NLGN4X: variants seen among roughly 807,000 people sequenced by gnomAD.
The protein encoded by NLGN4X is neuroligin 4 X-linked.
NLGN4X carries 3 observed loss-of-function variants against 40.3 expected under a neutral mutation model. The ratio of observed to expected loss-of-function variants is 0.07; its 90% CI spans 0.03 to 0.19. The LOEUF is 0.19. Among genes scored for constraint, NLGN4X ranks in the 10% least tolerant of loss-of-function variants. The probability of loss-of-function intolerance (pLI) is 1.00; values close to 1 mark genes in which losing one functional copy is unlikely to be tolerated. For synonymous variants in NLGN4X, 270 were observed against 306.8 expected (o/e 0.88, Z 1.25); for missense variants, 382 against 708.3 (o/e 0.54, Z 5.23).
chrX:6,195,265 T>C (rs752822726), intron 1 of NLGN4X, among the ~76,000 whole-genome samples: 1 of 112,335 alleles, frequency 8.9e-6, no homozygotes, highest in African/African-American at 3.2e-5. Flanking sequence ...TCCCCATTAG[T>C]TGAGAACACT....
intron 2 of NLGN4X, among the ~76,000 whole-genome samples, chrX:6,044,420 A>G (rs948405377): frequency 8.9e-6 from 1 of 111,753 alleles, no homozygotes; most frequent in Non-Finnish European, 1.9e-5. Flanking sequence ...CCACCTTCTA[A>G]TATCAGTCTA....
intron 2 of NLGN4X, among the ~76,000 whole-genome samples, chrX:6,146,709 C>A (rs1002635938): frequency 1.6e-4 from 15 of 94,747 alleles, no homozygotes; most frequent in South Asian, 4.5e-4. Context: ...AAAAAAAAAA[C>A]AACCCAAAAT....
chrX:5,930,632 T>C (rs749991392), intron 3 of NLGN4X, among the ~76,000 whole-genome samples: 31 of 112,528 alleles, frequency 2.8e-4, no homozygotes, highest in Admixed American at 2.7e-3. Flanking sequence ...AAAATATGTA[T>C]GCAAGAATAT....
chrX:5,907,219 G>A (rs905501150), intron 4 of NLGN4X, among the ~76,000 whole-genome samples: 2 of 112,129 alleles, frequency 1.8e-5, no homozygotes, highest in Non-Finnish European at 3.8e-5. Flanking sequence ...ATTCACTTGC[G>A]TGTGGCCAGG....
At chrX:6,027,197 T>A (rs2036721149) in intron 3 of NLGN4X, among the ~76,000 whole-genome samples, 1 of 112,043 alleles carries the variant, frequency 8.9e-6, no homozygotes, top group South Asian at 3.7e-4. Flanking sequence ...ACTTTCCTCC[T>A]TCCACCTCTT....
intron 1 of NLGN4X, among the ~76,000 whole-genome samples, chrX:6,178,869 G>A (rs150933895): frequency 3.5e-3 from 386 of 111,108 alleles, no homozygotes; most frequent in Non-Finnish European, 4.8e-3. Context: ...CACAAGACAG[G>A]AGGATCACTA....
chrX:6,088,899 G>C (rs959722333), intron 2 of NLGN4X, among the ~76,000 whole-genome samples: 1 of 111,733 alleles, frequency 8.9e-6, no homozygotes, highest in African/African-American at 3.2e-5. Flanking sequence ...TGGCATCCTT[G>C]TCTTGACCAT....
intron 2 of NLGN4X, among the ~76,000 whole-genome samples, chrX:6,067,759 G>A (rs940603593): frequency 9.0e-6 from 1 of 111,186 alleles, no homozygotes; most frequent in African/African-American, 3.3e-5. Flanking sequence ...ACAGATGGAT[G>A]TAAATGGCAT....
chrX:5,926,505 T>G (rs2033322970), intron 3 of NLGN4X, among the ~76,000 whole-genome samples: 1 of 110,813 alleles, frequency 9.0e-6, no homozygotes, highest in South Asian at 3.9e-4. Flanking sequence ...AAATCATGAT[T>G]CTTTTATTGA....
At chrX:6,209,671 T>G (rs1298296215) in intron 1 of NLGN4X, among the ~76,000 whole-genome samples, 1 of 111,823 alleles carries the variant, frequency 8.9e-6, no homozygotes, top group African/African-American at 3.2e-5. Flanking sequence ...TAATAATAGT[T>G]CACCATCCCT....
At chrX:6,196,580 A>AAT (rs1892714159) in intron 1 of NLGN4X, among the ~76,000 whole-genome samples, 4 of 102,597 alleles carry the variant, frequency 3.9e-5, no homozygotes, top group Non-Finnish European at 5.9e-5. Context: ...AAAAAAAAAA[A>AAT]AGTGTCTCAT....
chrX:6,097,093 G>A (rs1363033600), intron 2 of NLGN4X, among the ~76,000 whole-genome samples: 1 of 110,472 alleles, frequency 9.1e-6, no homozygotes, highest in Non-Finnish European at 1.9e-5. Context: ...CTCTTATTAG[G>A]TGTACACAAA....
intron 3 of NLGN4X, among the ~76,000 whole-genome samples, chrX:5,939,761 C>T (rs1169431855): frequency 9.0e-6 from 1 of 111,260 alleles, no homozygotes; most frequent in Non-Finnish European, 1.9e-5. Flanking sequence ...ATTAAAATAA[C>T]ACAAGAAAAA....
At chrX:5,920,870 C>G (rs1264446040) in intron 3 of NLGN4X, among the ~76,000 whole-genome samples, 3 of 110,724 alleles carry the variant, frequency 2.7e-5, no homozygotes, top group Non-Finnish European at 5.7e-5. Context: ...AGCTCCCTCT[C>G]CCTATGACAT....
At chrX:6,189,295 T>C (rs759326461) in intron 1 of NLGN4X, among the ~76,000 whole-genome samples, 1 of 112,030 alleles carries the variant, frequency 8.9e-6, no homozygotes, top group South Asian at 3.8e-4. Flanking sequence ...CTTTGTCACT[T>C]GTTTTTCATC....
intron 1 of NLGN4X, 62 bp from the exon 2 acceptor site, chrX:6,151,833 G>C (rs1055985205): frequency 4.0e-6 from 1 of 252,724 alleles, no homozygotes; most frequent in Non-Finnish European, 7.1e-6. Flanking sequence ...TAGAACACTG[G>C]CTGGCTCTTC....
intron 3 of NLGN4X, among the ~76,000 whole-genome samples, chrX:6,013,701 T>C (rs2036314301): frequency 9.1e-6 from 1 of 109,348 alleles, no homozygotes; most frequent in Non-Finnish European, 1.9e-5. Flanking sequence ...TGTAAACAAA[T>C]ATAAAACTTA....
chrX:6,117,240 G>T (rs919321644), intron 2 of NLGN4X, among the ~76,000 whole-genome samples: 2 of 110,228 alleles, frequency 1.8e-5, no homozygotes, highest in Non-Finnish European at 3.8e-5. Context: ...TTAATGCCTT[G>T]GACTCCTCAA....
intron 2 of NLGN4X, among the ~76,000 whole-genome samples, chrX:6,099,393 A>C (rs2038856891): frequency 8.9e-6 from 1 of 112,226 alleles, no homozygotes; most frequent in South Asian, 3.7e-4. Flanking sequence ...TGTAACAACA[A>C]AGAATGCTTA....
Sources: allele counts gnomAD v4.1 joint callset (sites outside exome capture counted in the v4.1 genomes callset), GRCh38; gene constraint gnomAD v4.1.1; transcripts MANE v1.5; gene names NCBI Gene and HGNC (gene_info 2026-07-23, HGNC 2026-07-21).